Variants in FAM228B observed in about 807,000 individuals in gnomAD.
FAM228B encodes protein FAM228B.
In FAM228B, 38 loss-of-function variants were observed where a neutral mutation model predicts 42.6. The ratio of observed to expected loss-of-function variants is 0.89; its 90% CI spans 0.69 to 1.17. The LOEUF (loss-of-function observed/expected upper bound fraction) is 1.17, where lower values mean the gene tolerates loss of function less well. Among genes scored for constraint, FAM228B ranks in the 50% most tolerant of loss-of-function variants. The pLI is 0.00. For missense variants in FAM228B, 344 were observed against 367.3 expected (o/e 0.94, Z 0.52); for synonymous variants, 109 against 122.3 (o/e 0.89, Z 0.72).
At chr2:24,105,202 C>T (rs1309787413) in intron 3 of FAM228B, among the ~76,000 whole-genome samples, 2 of 152,238 alleles carry the variant, frequency 1.3e-5, no homozygotes, top group African/African-American at 4.8e-5. Flanking sequence ...AGGAAGCACA[C>T]AGACAGCAGA....
At chr2:24,115,014 C>T (rs1665869571) in intron 3 of FAM228B, among the ~76,000 whole-genome samples, 1 of 152,176 alleles carries the variant, frequency 6.6e-6, no homozygotes, top group Non-Finnish European at 1.5e-5. Context: ...GACTAGTGGT[C>T]CATTGTTGAA....
intron 2 of FAM228B, among the ~76,000 whole-genome samples, chr2:24,129,720 G>A (rs1451001679): frequency 2.6e-5 from 4 of 151,752 alleles, no homozygotes; most frequent in African/African-American, 7.3e-5. Context: ...TTAATTATAA[G>A]CATATTTTTA....
intron 3 of FAM228B, among the ~76,000 whole-genome samples, chr2:24,109,062 C>G (rs1665746242): frequency 6.9e-6 from 1 of 144,072 alleles, no homozygotes; most frequent in African/African-American, 2.6e-5. Flanking sequence ...GGTACTGGTA[C>G]AAAAACAGAC....
upstream of FAM228B, among the ~76,000 whole-genome samples, chr2:24,120,236 T>G (rs1378947794): frequency 1.3e-5 from 2 of 151,258 alleles, no homozygotes; most frequent in African/African-American, 4.9e-5. Context: ...GCCATTGCAC[T>G]CCAGCCTGGG....
rs200700296 is a variant in FAM228B at position 24,084,184 on chromosome 2, G to T, written c.-210+3229G>T. Reference sequence around the variant, plus strand: ...CCCGCCCCGGCGCGGCTGAGCCCTGGGTACCTGCATTAAGTCCGCCCGGTT... The same window carrying T: ...CCCGCCCCGGCGCGGCTGAGCCCTGTGTACCTGCATTAAGTCCGCCCGGTT... On this transcript the variant is annotated intron_variant, in intron 2 of 10. Coordinates refer to the FAM228B transcript ENST00000613899. The surrounding 1 kb of genome is among the most constrained non-coding windows in gnomAD (Gnocchi z 8.4). 203 of 1,609,824 alleles carry T rather than the reference G, an allele frequency of 1.3e-4. No homozygotes were observed. Among genetic ancestry groups the T allele is most frequent in the Non-Finnish European group, 1.6e-4 (194 of 1,178,672 alleles).
chr2:24,120,940 A>C (rs1277480828), upstream of FAM228B, among the ~76,000 whole-genome samples: 1 of 151,846 alleles, frequency 6.6e-6, no homozygotes, highest in Non-Finnish European at 1.5e-5. Context: ...GAGTTCAGGC[A>C]AGGCTCAGTT....
intron 7 of FAM228B, among the ~76,000 whole-genome samples, chr2:24,148,802 A>G (rs533685213): frequency 1.6e-4 from 24 of 152,154 alleles, no homozygotes; most frequent in Admixed American, 3.9e-4. Context: ...TTGTGCTATC[A>G]TATACGAGGT....
chr2:24,082,741 C>G (rs1665060469), intron 2 of FAM228B: 6 of 1,161,798 alleles, frequency 5.2e-6, no homozygotes. Context: ...AACATTAAAC[C>G]CTTCTAACAT....
chr2:24,086,400 A>G (rs1410178566), intron 2 of FAM228B, among the ~76,000 whole-genome samples: 2 of 152,200 alleles, frequency 1.3e-5, no homozygotes, highest in East Asian at 1.9e-4. Context: ...ATGCATGCCT[A>G]TATTTTATAA....
chr2:24,115,496 GT>G, intron 3 of FAM228B: 22 of 1,238,934 alleles, frequency 1.8e-5, no homozygotes, highest in Non-Finnish European at 2.5e-5. Flanking sequence ...TCTGTCTAGT[GT>G]TTTTTCAACC....
intron 7 of FAM228B, among the ~76,000 whole-genome samples, chr2:24,150,997 A>G (rs1200295646): frequency 2.0e-5 from 3 of 152,070 alleles, no homozygotes; most frequent in African/African-American, 4.8e-5. Flanking sequence ...GTTCTCTGTT[A>G]TTATCCCTTT....
Position 24,155,543 on chromosome 2 carries a change from T to A in FAM228B, c.687-5963T>A, listed in dbSNP as rs1288491794. On this transcript the variant is annotated intron_variant, in intron 7 of 10. Coordinates refer to ENST00000615575, the MANE Select transcript of FAM228B (RefSeq NM_001145710.2). ...TATATATATATATATTTTTTTTTTT[T>A]TTTTTTTTTTTTTTGAGATGGATTT... Among the ~76,000 whole-genome samples, 9 of 121,804 alleles carry A rather than the reference T, an allele frequency of 7.4e-5. No individual in the cohort carries two copies. In the East Asian group the frequency reaches 1.6e-3, roughly 21 times the overall value. 79.9% of individuals were successfully genotyped at this position (121,804 alleles called of 152,430 possible).
chr2:24,151,051 A>G (rs993703881), intron 7 of FAM228B, among the ~76,000 whole-genome samples: 6 of 152,260 alleles, frequency 3.9e-5, no homozygotes, highest in South Asian at 4.2e-4. Context: ...TGTAAGGCCA[A>G]TAACTCTTAG....
At chr2:24,158,252 T>G (rs1196561654) in intron 7 of FAM228B, among the ~76,000 whole-genome samples, 1 of 142,370 alleles carries the variant, frequency 7.0e-6, no homozygotes, top group South Asian at 2.4e-4. Context: ...AAATGCCGCT[T>G]TAAAACTTCC....
intron 1 of FAM228B, among the ~76,000 whole-genome samples, chr2:24,078,480 T>TAAAAA (rs36089798): frequency 2.9e-5 from 3 of 104,948 alleles, no homozygotes; most frequent in Non-Finnish European, 5.7e-5. Context: ...CCTGTCTCCA[T>TAAAAA]AAAAAAAAAA....
chr2:24,101,363 T>C (rs1302442937), intron 3 of FAM228B, among the ~76,000 whole-genome samples: 1 of 152,206 alleles, frequency 6.6e-6, no homozygotes, highest in Non-Finnish European at 1.5e-5. Flanking sequence ...GCTTTACTGA[T>C]CATTCTTATC....
chr2:24,157,605 G>A (rs1667177902), intron 7 of FAM228B, among the ~76,000 whole-genome samples: 1 of 152,028 alleles, frequency 6.6e-6, no homozygotes, highest in South Asian at 2.1e-4. Context: ...GGGCCTGGTG[G>A]TGCATGCCTG....
upstream of FAM228B, among the ~76,000 whole-genome samples, chr2:24,118,786 A>G (rs1666006133): frequency 6.6e-6 from 1 of 152,352 alleles, no homozygotes; most frequent in South Asian, 2.1e-4. Context: ...TAATTTATCT[A>G]GGATAGTGCA....
At chr2:24,136,223 A>G (rs1666583619) in intron 3 of FAM228B, among the ~76,000 whole-genome samples, 1 of 151,348 alleles carries the variant, frequency 6.6e-6, no homozygotes, top group East Asian at 1.9e-4. Context: ...CACGGAGCCT[A>G]GCTAAGTTTT....
Sources: gnomAD v4.1 joint callset for allele counts (sites outside exome capture counted in the v4.1 genomes callset) on GRCh38, gnomAD v4.1.1 for gene constraint, Gnocchi (gnomAD v3.1) non-coding constraint, MANE v1.5 for transcripts, NCBI Gene and HGNC (gene_info 2026-07-23, HGNC 2026-07-21) for gene names.